Variants in CTSC observed in about 807,000 individuals in gnomAD.
CTSC encodes the protein dipeptidyl peptidase 1.
Under a neutral mutation model 40.9 loss-of-function variants are expected in CTSC, and 37 were observed. That is an observed-to-expected ratio of 0.91 (90% CI 0.70 to 1.19). CTSC has a LOEUF of 1.19. Among genes scored for constraint, CTSC ranks in the 50% most tolerant of loss-of-function variants. The pLI is 0.00. For missense variants in CTSC, 594 were observed against 567.3 expected, an observed-to-expected ratio of 1.05 and a Z score of -0.48; for synonymous variants, 232 against 207.4, an observed-to-expected ratio of 1.12 and a Z score of -1.02.
At chr11:88,323,630 G>A (rs904949638) in intron 2 of CTSC, 1 of 151,930 alleles carries the variant, frequency 6.6e-6, no homozygotes, top group East Asian at 1.9e-4. Context: ...CCAACAAAAG[G>A]CAAGCAGAGA....
intron 2 of CTSC, among the ~76,000 whole-genome samples, chr11:88,314,700 G>A (rs1937837724): frequency 6.6e-6 from 1 of 152,026 alleles, no homozygotes; most frequent in Non-Finnish European, 1.5e-5. Context: ...GCTAATTTTT[G>A]TATTTTTAGT....
intron 1 of CTSC, 118 bp from the exon 2 acceptor site, chr11:88,335,200 C>T (rs1938462988): frequency 4.1e-6 from 3 of 737,680 alleles, no homozygotes; most frequent in Admixed American, 4.4e-5. Flanking sequence ...CCAGTTTGAG[C>T]ACAGTCTGCC....
intron 2 of CTSC, chr11:88,320,969 T>A: frequency 2.0e-6 from 2 of 985,168 alleles, no homozygotes; most frequent in Non-Finnish European, 2.4e-6. Context: ...CAGGCAATTA[T>A]GACACAGAAT....
chr11:88,316,283 C>T (rs558717754), intron 2 of CTSC, among the ~76,000 whole-genome samples: 16 of 152,274 alleles, frequency 1.1e-4, no homozygotes, highest in African/African-American at 2.9e-4. Context: ...AAGTCACGTT[C>T]CTCTCTGTAC....
At chr11:88,302,399 G>C (rs574829464) in intron 4 of CTSC, among the ~76,000 whole-genome samples, 3 of 152,020 alleles carry the variant, frequency 2.0e-5, no homozygotes, top group Non-Finnish European at 4.4e-5. Flanking sequence ...CGAGGCGGGC[G>C]GATCACGAGG....
intron 4 of CTSC, among the ~76,000 whole-genome samples, chr11:88,301,318 C>G (rs986515318): frequency 1.3e-5 from 2 of 152,250 alleles, no homozygotes; most frequent in Admixed American, 1.3e-4. Context: ...GAGTAAATGA[C>G]TTTGTAACTT....
Position 88,293,838 on chromosome 11 carries a change from T to C in CTSC, c.*168A>G, listed in dbSNP as rs1328211551. ...TTAGAAAAAAATGGCCAGTGGCCGA[T>C]TGAAAGGTATATTAAAATTAAGGGC... On this transcript the variant is annotated 3_prime_UTR_variant, in exon 7 of 7. Transcript: ENST00000227266. 6 of 802,992 alleles carry C rather than the reference T, an allele frequency of 7.5e-6. No homozygotes were observed. In the East Asian group the frequency reaches 8.0e-5, roughly 11 times the overall value. 49.7% of individuals were successfully genotyped at this position (802,992 alleles called of 1,614,324 possible).
chr11:88,319,053 T>A (rs935755554), intron 2 of CTSC, among the ~76,000 whole-genome samples: 14 of 152,184 alleles, frequency 9.2e-5, no homozygotes, highest in Non-Finnish European at 8.8e-5. Flanking sequence ...CCCTATAAGA[T>A]AGTTAAGGCA....
At chr11:88,334,500 C>G (rs754169433) in intron 2 of CTSC, among the ~76,000 whole-genome samples, 1 of 152,094 alleles carries the variant, frequency 6.6e-6, no homozygotes, top group Non-Finnish European at 1.5e-5. Context: ...GATAATGAAT[C>G]ATTTAGGCCT....
intron 3 of CTSC, among the ~76,000 whole-genome samples, chr11:88,309,814 GCACACACACACACACACA>G (rs71470765): frequency 8.4e-6 from 1 of 118,946 alleles, no homozygotes; most frequent in Non-Finnish European, 1.7e-5. Context: ...ATGTATGCGC[GCACACACACACACACACA>G]CACACACACA....
chr11:88,312,502 C>T lies in CTSC; in HGVS notation c.371G>A (p.Gly124Glu), dbSNP rs917140099. Reference protein sequence around the residue: ...VTTYCNETMTGWVHDVLGRNW... With the variant: ...VTTYCNETMTEWVHDVLGRNW... Reference sequence around the variant, plus strand: ...CCGGCCCAACACATCATGCACCCACCCAGTCATTGTCTCGTTGCAGTAAGT... The same window carrying T: ...CCGGCCCAACACATCATGCACCCACTCAGTCATTGTCTCGTTGCAGTAAGT... The change falls in exon 3 of 7, where the codon GGG becomes GAG. Residue 124 changes from glycine to glutamate, a missense_variant. Coordinates refer to ENST00000227266, the MANE Select transcript of CTSC (RefSeq NM_001814.6). 1 of 1,614,148 alleles carries T rather than the reference C, an allele frequency of 6.2e-7. No homozygotes were observed. Among genetic ancestry groups the T allele is most frequent in the Non-Finnish European group, 8.5e-7 (1 of 1,180,022 alleles).
Position 88,337,657 on chromosome 11 carries a change from A to C in CTSC, c.16T>G (p.Ser6Ala), listed in dbSNP as rs750157767. The change falls in exon 1 of 7, where the codon TCC becomes GCC. Residue 6 changes from serine to alanine, a missense_variant. Coordinates refer to ENST00000227266, the MANE Select transcript of CTSC (RefSeq NM_001814.6). MGAGP[S>A]LLLAALLLLL... is the part of the protein sequence containing the mutation. ...AGCAGGAGGGCGGCGAGCAGCAAGG[A>C]GGGCCCAGCACCCATGCTGCAGGGA... 48 of 1,579,274 alleles carry C rather than the reference A, an allele frequency of 3.0e-5. No individual in the cohort carries two copies. Among genetic ancestry groups the C allele is most frequent in the Non-Finnish European group, 4.0e-5 (47 of 1,162,146 alleles).
intron 2 of CTSC, among the ~76,000 whole-genome samples, chr11:88,334,292 A>G (rs1268938986): frequency 1.3e-5 from 2 of 152,220 alleles, no homozygotes; most frequent in Admixed American, 6.5e-5. Flanking sequence ...GTGCTAAACT[A>G]TTTTAACCCT....
chr11:88,295,983 TTAA>T (rs1565250321), intron 6 of CTSC, 147 bp downstream of exon 6: 3 of 815,180 alleles, frequency 3.7e-6, no homozygotes, highest in Non-Finnish European at 6.4e-6. Context: ...CAATCATCCA[TTAA>T]TAAGTGATAG....
intron 2 of CTSC, among the ~76,000 whole-genome samples, chr11:88,313,094 G>T (rs1409256441): frequency 6.6e-6 from 1 of 152,110 alleles, no homozygotes; most frequent in Non-Finnish European, 1.5e-5. Flanking sequence ...TCCAGGGATG[G>T]AGTCTTGCTG....
At chr11:88,325,544 C>A in intron 2 of CTSC, 12 of 985,348 alleles carry the variant, frequency 1.2e-5, no homozygotes, top group African/African-American at 1.7e-5. Context: ...AAGACAAGTT[C>A]TAGCATTTTA....
chr11:88,297,911 G>T (rs1016802704), intron 5 of CTSC: 5 of 152,250 alleles, frequency 3.3e-5, no homozygotes, highest in African/African-American at 1.2e-4. Flanking sequence ...TAGATAGTGT[G>T]ATCTTCATAT....
intron 2 of CTSC, chr11:88,325,129 A>G: frequency 1.0e-6 from 1 of 985,396 alleles, no homozygotes; most frequent in Non-Finnish European, 1.2e-6. Flanking sequence ...AAACAAGACC[A>G]TTATTCGGCA....
intron 2 of CTSC, among the ~76,000 whole-genome samples, chr11:88,331,542 A>T (rs1938355032): frequency 6.6e-6 from 1 of 152,256 alleles, no homozygotes; most frequent in Non-Finnish European, 1.5e-5. Context: ...CCACCCTTCC[A>T]GCATGATGAG....
Sources: allele counts gnomAD v4.1 joint callset (sites outside exome capture counted in the v4.1 genomes callset), GRCh38; gene constraint gnomAD v4.1.1; transcripts MANE v1.5; gene names NCBI Gene and HGNC (gene_info 2026-07-23, HGNC 2026-07-21).